Variants in HDAC9 observed in about 807,000 individuals in gnomAD.
HDAC9 encodes the protein histone deacetylase 9.
HDAC9 carries 41 observed loss-of-function variants against 139.4 expected under a neutral mutation model. That is an observed-to-expected ratio of 0.29 (90% CI 0.23 to 0.38). The LOEUF (loss-of-function observed/expected upper bound fraction) is 0.38. HDAC9 is among the 10% of genes least tolerant of loss of function. The pLI is 1.00. For missense variants in HDAC9, 1,147 were observed against 1,297.0 expected (o/e 0.88, Z 1.78); for synonymous variants, 517 against 476.2 (o/e 1.09, Z -1.12).
chr7:18,297,642 T>A (rs958890154), intron 1 of HDAC9, among the ~76,000 whole-genome samples: 1 of 152,204 alleles, frequency 6.6e-6, no homozygotes, highest in Non-Finnish European at 1.5e-5. Flanking sequence ...TAGGATGTTA[T>A]GGTTTGGCTT....
intron 1 of HDAC9, among the ~76,000 whole-genome samples, chr7:18,392,916 T>C (rs1229062426): frequency 2.6e-5 from 2 of 77,950 alleles, no homozygotes; most frequent in South Asian, 7.3e-4. Context: ...TGGCCATGAC[T>C]GGCAAAAAAA....
intron 21 of HDAC9, among the ~76,000 whole-genome samples, chr7:18,865,245 C>T (rs773360414): frequency 2.6e-5 from 4 of 152,088 alleles, no homozygotes; most frequent in African/African-American, 9.7e-5. Context: ...AGGGTGAGAA[C>T]AGTGGAGGTG....
intron 24 of HDAC9, among the ~76,000 whole-genome samples, chr7:18,974,975 T>A (rs1169971648): frequency 1.3e-5 from 2 of 152,184 alleles, no homozygotes; most frequent in Non-Finnish European, 2.9e-5. Flanking sequence ...GCTGCAGAGA[T>A]AGTACTAACC....
chr7:18,992,694 T>G (rs1263710177), intron 25 of HDAC9, among the ~76,000 whole-genome samples: 1 of 152,150 alleles, frequency 6.6e-6, no homozygotes, highest in Admixed American at 6.5e-5. Flanking sequence ...TTGTCTCAAG[T>G]GAAATTACTT....
intron 2 of HDAC9, among the ~76,000 whole-genome samples, chr7:18,211,105 A>G (rs1791906992): frequency 6.6e-6 from 1 of 152,212 alleles, no homozygotes; most frequent in Non-Finnish European, 1.5e-5. Context: ...ATGCCTAATA[A>G]TAAAAGGAGA....
chr7:18,553,124 G>A (rs529837951), intron 2 of HDAC9, among the ~76,000 whole-genome samples: 13 of 152,212 alleles, frequency 8.5e-5, no homozygotes, highest in African/African-American at 1.7e-4. Flanking sequence ...TGTGCTGTGC[G>A]TAAACCATTG....
At chr7:18,782,255 C>CA (rs1791306027) in intron 16 of HDAC9, among the ~76,000 whole-genome samples, 1 of 152,080 alleles carries the variant, frequency 6.6e-6, no homozygotes, top group East Asian at 1.9e-4. Context: ...TAAACATGCA[C>CA]AGTGCATATG....
intron 21 of HDAC9, among the ~76,000 whole-genome samples, chr7:18,871,334 C>G (rs918684739): frequency 2.6e-5 from 4 of 152,124 alleles, no homozygotes; most frequent in African/African-American, 7.2e-5. Context: ...TTCCCTGATG[C>G]AGTGCTGGAA....
chr7:18,918,003 A>G (rs1354239628), intron 22 of HDAC9, among the ~76,000 whole-genome samples: 1 of 152,050 alleles, frequency 6.6e-6, no homozygotes, highest in Non-Finnish European at 1.5e-5. Context: ...CACAATCTTG[A>G]TTACCTATTG....
intron 1 of HDAC9, among the ~76,000 whole-genome samples, chr7:18,416,142 C>T (rs1031062198): frequency 5.3e-5 from 8 of 151,874 alleles, no homozygotes; most frequent in African/African-American, 1.9e-4. Context: ...ACTAAAAATA[C>T]AAAATTAGCC....
chr7:18,559,535 A>G (rs1009028872), intron 2 of HDAC9, among the ~76,000 whole-genome samples: 1 of 152,194 alleles, frequency 6.6e-6, no homozygotes, highest in Non-Finnish European at 1.5e-5. Flanking sequence ...GGGACATGGA[A>G]GATACTGACA....
intron 22 of HDAC9, among the ~76,000 whole-genome samples, chr7:18,916,035 A>AAAC (rs1167041879): frequency 1.3e-5 from 2 of 151,584 alleles, no homozygotes; most frequent in Non-Finnish European, 2.9e-5. Flanking sequence ...AAAAAAAAAA[A>AAAC]AAACAGAAAA....
Position 18,534,341 on chromosome 7 carries a change from G to A in HDAC9, c.22+38017G>A, listed in dbSNP as rs546316119. On this transcript the variant is annotated intron_variant, in intron 2 of 25. Coordinates refer to ENST00000686413, the MANE Select transcript of HDAC9 (RefSeq NM_178425.4). ...AGGCTGAGGCAGGAGGGCTGTTTGA[G>A]ACCAGCCTGGACAACACGGTGTGAC... Among the ~76,000 whole-genome samples the A allele has an allele frequency of 2.0e-5, 3 of 152,274 alleles. No individual in the cohort carries two copies. In the East Asian group the frequency reaches 5.8e-4, roughly 29 times the overall value.
chr7:18,578,267 A>T, intron 2 of HDAC9: 1 of 518,262 alleles, frequency 1.9e-6, no homozygotes, highest in Non-Finnish European at 3.9e-6. Flanking sequence ...TTTCCACACA[A>T]TGACATCGAA....
At position 18,782,664 on chromosome 7, in the gene HDAC9, C is replaced by A. The variant is rs541042743; in HGVS notation, c.2215-10681C>A. ...CAGATGATTTTTGTCCTTTGATGTG[C>A]TGCGAAATAGAAAGTAATGTTAGAA... is the stretch of plus-strand genomic sequence containing the variant. On this transcript the variant is annotated intron_variant, in intron 16 of 25. Transcript: ENST00000686413. Among the ~76,000 whole-genome samples, 7 of 151,260 alleles carry A rather than the reference C, an allele frequency of 4.6e-5. No individual in the cohort carries two copies. In the South Asian group the frequency reaches 1.5e-3, roughly 32 times the overall value.
At chr7:18,547,780 C>A (rs1350531050) in intron 2 of HDAC9, among the ~76,000 whole-genome samples, 1 of 151,150 alleles carries the variant, frequency 6.6e-6, no homozygotes, top group Non-Finnish European at 1.5e-5. Context: ...GCATCTTCAC[C>A]AGGAGTAGAT....
intron 1 of HDAC9, among the ~76,000 whole-genome samples, chr7:18,421,613 T>G (rs916536808): frequency 4.6e-5 from 7 of 152,182 alleles, no homozygotes; most frequent in African/African-American, 1.7e-4. Context: ...GGGAGACAGA[T>G]TCACACGTTC....
chr7:18,148,596 A>G (rs1786521142), intron 1 of HDAC9, among the ~76,000 whole-genome samples: 1 of 152,166 alleles, frequency 6.6e-6, no homozygotes, highest in South Asian at 2.1e-4. Context: ...AGCTGGGATT[A>G]CAGGCGCTCG....
intron 22 of HDAC9, among the ~76,000 whole-genome samples, chr7:18,929,812 C>T (rs544622358): frequency 3.0e-4 from 45 of 151,906 alleles, no homozygotes; most frequent in Middle Eastern, 3.4e-3. Context: ...TGGTGGTGCA[C>T]GCCTGTAGTC....
Sources: allele counts gnomAD v4.1 joint callset (sites outside exome capture counted in the v4.1 genomes callset), GRCh38; gene constraint gnomAD v4.1.1; transcripts MANE v1.5; gene names NCBI Gene and HGNC (gene_info 2026-07-23, HGNC 2026-07-21).